PLPP1: variants seen among roughly 807,000 people sequenced by gnomAD.
PLPP1 encodes lipid phosphate phosphohydrolase 1a.
Under a neutral mutation model 31.2 loss-of-function variants are expected in PLPP1, and 24 were observed. That is an observed-to-expected ratio of 0.77 (90% CI 0.56 to 1.08). The LOEUF (loss-of-function observed/expected upper bound fraction) is 1.08. Among genes scored for constraint, PLPP1 ranks in the 50% least tolerant of loss-of-function variants. The pLI is 0.00. For synonymous variants in PLPP1, 146 were observed against 126.3 expected (o/e 1.16, Z -1.05); for missense variants, 319 against 342.7 (o/e 0.93, Z 0.55).
Position 55,475,331 on chromosome 5 carries a change from C to T in PLPP1, c.178G>A (p.Gly60Ser). 1 of 1,612,306 alleles carries T rather than the reference C, an allele frequency of 6.2e-7. No individual in the cohort carries two copies. Among genetic ancestry groups the T allele is most frequent in the Non-Finnish European group, 8.5e-7 (1 of 1,179,128 alleles). Residue 60 changes from glycine to serine, a missense_variant, in exon 2 of 6, where the codon GGT becomes AGT. Coordinates refer to ENST00000307259, the MANE Select transcript of PLPP1 (RefSeq NM_003711.4). ...KEDTIPYALL[G>S]GIIIPFSIIV... Reference sequence around the variant, plus strand: ...ATACTGAATGGAATGATTATTCCACCTAATAACGCATAAGGTATGGTGTCT... The same window carrying T: ...ATACTGAATGGAATGATTATTCCACTTAATAACGCATAAGGTATGGTGTCT...
At chr5:55,465,324 C>T (rs1321064086) in intron 3 of PLPP1, among the ~76,000 whole-genome samples, 1 of 152,188 alleles carries the variant, frequency 6.6e-6, no homozygotes, top group East Asian at 1.9e-4. Flanking sequence ...AGATTGCAGG[C>T]ATGAGCCACC....
At chr5:55,436,599 G>A (rs1486673655) in intron 4 of PLPP1, among the ~76,000 whole-genome samples, 4 of 152,136 alleles carry the variant, frequency 2.6e-5, no homozygotes, top group African/African-American at 7.2e-5. Context: ...ACTCCAAAAC[G>A]TGTGGCTCCG....
chr5:55,520,969 T>C (rs894451102), intron 1 of PLPP1, among the ~76,000 whole-genome samples: 1 of 152,086 alleles, frequency 6.6e-6, no homozygotes, highest in South Asian at 2.1e-4. Flanking sequence ...CCCAGCACTT[T>C]AGGAGGCTGA....
chr5:55,484,320 C>T (rs949465452), intron 1 of PLPP1: 1 of 152,086 alleles, frequency 6.6e-6, no homozygotes, highest in African/African-American at 2.4e-5. Context: ...CCCCCTTCTC[C>T]TTGTTGTAGT....
chr5:55,506,263 T>TAAAA (rs201809819), intron 1 of PLPP1, among the ~76,000 whole-genome samples: 46 of 128,528 alleles, frequency 3.6e-4, no homozygotes, highest in African/African-American at 1.2e-3. Flanking sequence ...AGCAAATTAC[T>TAAAA]AAAAAAAAAA....
At chr5:55,493,358 C>T (rs1752937605) in intron 1 of PLPP1, among the ~76,000 whole-genome samples, 1 of 150,954 alleles carries the variant, frequency 6.6e-6, no homozygotes, top group Admixed American at 6.6e-5. Context: ...GTTAATGGAA[C>T]AGTGTATTAT....
intron 2 of PLPP1, among the ~76,000 whole-genome samples, chr5:55,470,156 C>A (rs1389687967): frequency 6.6e-6 from 1 of 152,158 alleles, no homozygotes; most frequent in Non-Finnish European, 1.5e-5. Flanking sequence ...ACAGAGGAAC[C>A]CTTTCCATTT....
At chr5:55,425,842 G>T in intron 5 of PLPP1, 21 bp downstream of exon 5, 2 of 1,532,462 alleles carry the variant, frequency 1.3e-6, no homozygotes, top group Non-Finnish European at 1.8e-6. Context: ...CAAGATGTAG[G>T]CTGTTGACCT....
intron 1 of PLPP1, 60 bp from the exon 2 acceptor site, chr5:55,475,510 G>A: frequency 7.3e-7 from 1 of 1,370,704 alleles, no homozygotes; most frequent in South Asian, 1.4e-5. Flanking sequence ...CTAATTAATG[G>A]CAATAATTAT....
intron 4 of PLPP1, among the ~76,000 whole-genome samples, chr5:55,427,102 AAAG>A (rs1398059350): frequency 1.4e-5 from 2 of 141,158 alleles, no homozygotes; most frequent in Non-Finnish European, 3.1e-5. Context: ...AAAAAAAAAA[AAAG>A]AAAACTACCT....
intron 4 of PLPP1, among the ~76,000 whole-genome samples, chr5:55,437,066 A>T (rs1232709926): frequency 6.6e-6 from 1 of 152,154 alleles, no homozygotes. Context: ...TGGCACCCTA[A>T]TCTTAGACTT....
rs1751125720 is a variant in PLPP1 at position 55,424,862 on chromosome 5, T to A, written c.*344A>T. The A allele has an allele frequency of 5.6e-6, 5 of 893,304 alleles. No individual in the cohort carries two copies. Among genetic ancestry groups the A allele is most frequent in the Non-Finnish European group, 9.1e-6 (5 of 548,858 alleles). 55.3% of individuals were successfully genotyped at this position (893,304 alleles called of 1,614,324 possible). A position where few individuals can be genotyped will look rare whatever the true frequency, so the allele number is the denominator to read the frequency against. ...ATGCCTGCAAGTGTGGATTTGGTTC[T>A]CCCATACATTTTAATATGTATTATA... On this transcript the variant is annotated 3_prime_UTR_variant, in exon 6 of 6. Transcript: ENST00000307259.
intron 4 of PLPP1, among the ~76,000 whole-genome samples, chr5:55,432,754 A>G (rs1751388934): frequency 6.6e-6 from 1 of 152,072 alleles, no homozygotes; most frequent in South Asian, 2.1e-4. Context: ...ATCACATTCA[A>G]ATGTGATGAA....
intron 2 of PLPP1, among the ~76,000 whole-genome samples, chr5:55,473,997 G>GTTTTTGTTTTTTTT (rs1554039230): frequency 3.6e-5 from 1 of 28,034 alleles, no homozygotes; most frequent in African/African-American, 9.1e-5. Flanking sequence ...TTTGTTTGTT[G>GTTTTTGTTTTTTTT]TTTTTTTTTT....
chr5:55,449,409 T>C (rs529644053), intron 3 of PLPP1, among the ~76,000 whole-genome samples: 10 of 152,182 alleles, frequency 6.6e-5, no homozygotes, highest in Non-Finnish European at 1.3e-4. Flanking sequence ...ACATGCCTGC[T>C]ACAGATTTCT....
chr5:55,525,947 T>C (rs150391183), intron 1 of PLPP1, among the ~76,000 whole-genome samples: 3 of 152,270 alleles, frequency 2.0e-5, no homozygotes, highest in East Asian at 1.9e-4. Context: ...ATTTCAAATG[T>C]TGAATTAAGG....
chr5:55,449,042 A>G (rs1751836296), intron 3 of PLPP1, among the ~76,000 whole-genome samples: 1 of 152,170 alleles, frequency 6.6e-6, no homozygotes, highest in Non-Finnish European at 1.5e-5. Context: ...TTTTTTTCAC[A>G]AGTATTTTCA....
At chr5:55,491,001 T>C (rs764412612) in intron 1 of PLPP1, 2 of 1,613,486 alleles carry the variant, frequency 1.2e-6, no homozygotes, top group South Asian at 2.2e-5. Flanking sequence ...ATGAGGACAG[T>C]GGATGTGACG....
chr5:55,431,760 G>C (rs1579916778), intron 4 of PLPP1, among the ~76,000 whole-genome samples: 1 of 152,026 alleles, frequency 6.6e-6, no homozygotes, highest in Non-Finnish European at 1.5e-5. Flanking sequence ...AAAGAGCAGA[G>C]CAGAACTTAA....
Sources: gnomAD v4.1 joint callset for allele counts (sites outside exome capture counted in the v4.1 genomes callset) on GRCh38, gnomAD v4.1.1 for gene constraint, MANE v1.5 for transcripts, NCBI Gene and HGNC (gene_info 2026-07-23, HGNC 2026-07-21) for gene names.